DNAH7: variants seen among roughly 807,000 people sequenced by gnomAD.
DNAH7 encodes the protein dynein axonemal heavy chain 7.
Under a neutral mutation model 444.6 loss-of-function variants are expected in DNAH7, and 397 were observed. That is an observed-to-expected ratio of 0.89 (90% CI 0.82 to 0.97). The LOEUF (loss-of-function observed/expected upper bound fraction) is 0.97, where lower values mean the gene tolerates loss of function less well. Among genes scored for constraint, DNAH7 ranks in the 50% least tolerant of loss-of-function variants. The pLI, the probability that DNAH7 is intolerant of heterozygous loss-of-function variation, is 0.00. For missense variants in DNAH7, 4,902 were observed against 4,800.8 expected (o/e 1.02, Z -0.62); for synonymous variants, 1,636 against 1,624.4 (o/e 1.01, Z -0.17).
intron 45 of DNAH7, 122 bp from the exon 46 acceptor site, chr2:195,853,650 T>C: frequency 1.0e-6 from 1 of 968,140 alleles, no homozygotes; most frequent in Non-Finnish European, 1.5e-6. Context: ...TGGGATTTCC[T>C]ATATCACTAT....
intron 19 of DNAH7, among the ~76,000 whole-genome samples, chr2:195,954,436 A>T (rs959216348): frequency 6.6e-6 from 1 of 152,246 alleles, no homozygotes; most frequent in African/African-American, 2.4e-5. Context: ...ACTGATGGAC[A>T]CTTGGGTTGG....
Position 196,067,373 on chromosome 2 carries a change from T to A in DNAH7, c.15+1324A>T, listed in dbSNP as rs553823644. 1.6e-3 allele frequency among the ~76,000 whole-genome samples: 238 copies of A among 152,356 alleles called. 3 individuals are homozygous for A. Among genetic ancestry groups the A allele is most frequent in the African/African-American group, 5.2e-3 (216 of 41,580 alleles). ...GGTGACAGTAACAAATGTTATTTTT[T>A]AAATCTGATTACATTAATATCATGT... On this transcript the variant is annotated intron_variant, in intron 1 of 64. Transcript: ENST00000312428.
intron 3 of DNAH7, among the ~76,000 whole-genome samples, chr2:196,048,866 T>C (rs763993491): frequency 3.3e-5 from 5 of 152,156 alleles, no homozygotes; most frequent in Non-Finnish European, 5.9e-5. Context: ...ATACACAATT[T>C]TGGCAGGTGT....
At chr2:195,767,476 T>TA (rs376154165) in intron 61 of DNAH7, among the ~76,000 whole-genome samples, 156 of 152,156 alleles carry the variant, frequency 1.0e-3, no homozygotes, top group African/African-American at 3.2e-3. Context: ...TCTATACCTT[T>TA]ACTCCTCCTC....
chr2:195,744,336 T>G (rs944120903), intron 63 of DNAH7, among the ~76,000 whole-genome samples: 2 of 152,290 alleles, frequency 1.3e-5, no homozygotes, highest in South Asian at 2.1e-4. Context: ...TGCCCAGGCT[T>G]GCCTAGGTAA....
At position 195,864,362 on chromosome 2, in the gene DNAH7, T is replaced by C. The variant is rs759161797; in HGVS notation, c.7293A>G (p.Gln2431=). Residue 2431 remains glutamine (Q), a synonymous_variant, in exon 41 of 65, where the codon CAA becomes CAG. Transcript: ENST00000312428. ...ACTGACGCATCTTATCACATATCTC[T>C]TGCTTCTCATCTAATGCAAAGAGAT... The part of the protein sequence containing the change: ...IPNLFALDEK[Q]EICDKMRQLD... The C allele has an allele frequency of 1.1e-5, 18 of 1,613,968 alleles. No homozygotes were observed. The Admixed American group carries it at 1.5e-4, about 13-fold the overall frequency.
chr2:195,973,182 TGGTAGG>T (rs1458199021), intron 15 of DNAH7, among the ~76,000 whole-genome samples: 3 of 151,668 alleles, frequency 2.0e-5, no homozygotes, highest in Admixed American at 6.6e-5. Flanking sequence ...CAGACCAGAG[TGGTAGG>T]GCAGCAGATG....
chr2:195,771,868 G>A lies in DNAH7; in HGVS notation c.11225C>T (p.Ala3742Val). ...LTQSRSAGAG[A>V]KSSDEVVNEV... Reference sequence around the variant, plus strand: ...ATTCACTACTTCATCTGATGATTTTGCACCAGCACCTGCTGAACGAGACTA... The same window carrying A: ...ATTCACTACTTCATCTGATGATTTTACACCAGCACCTGCTGAACGAGACTA... Residue 3742 changes from alanine to valine, a missense_variant, in exon 61 of 65, where the codon GCA becomes GTA. Physicochemically the swap from Ala to Val is moderately conservative, Grantham distance 64 (BLOSUM62 0). Transcript: ENST00000312428. 6.2e-7 allele frequency: 1 copy of A among 1,614,138 alleles called. No individual in the cohort carries two copies. Among genetic ancestry groups the A allele is most frequent in the Non-Finnish European group, 8.5e-7 (1 of 1,180,016 alleles).
intron 5 of DNAH7, 41 bp from the exon 6 acceptor site, chr2:196,028,088 G>A: frequency 6.5e-7 from 1 of 1,531,304 alleles, no homozygotes; most frequent in Non-Finnish European, 9.0e-7. Flanking sequence ...GTAGATAAGG[G>A]GCAGTTAGAA....
intron 58 of DNAH7, among the ~76,000 whole-genome samples, chr2:195,781,976 T>TACACACACACACACACACACAC (rs59244207): frequency 7.7e-6 from 1 of 129,754 alleles, no homozygotes; most frequent in African/African-American, 3.0e-5. Flanking sequence ...GTGGGTCTTA[T>TACACACACACACACACACACAC]ACACACACAC....
intron 9 of DNAH7, among the ~76,000 whole-genome samples, chr2:196,017,342 G>A (rs1043200958): frequency 6.6e-6 from 1 of 152,074 alleles, no homozygotes; most frequent in African/African-American, 2.4e-5. Context: ...AATTACACAT[G>A]TCTATTTTCT....
chr2:195,782,901 C>G (rs187490095), intron 58 of DNAH7, among the ~76,000 whole-genome samples: 16 of 152,308 alleles, frequency 1.1e-4, no homozygotes, highest in South Asian at 2.1e-4. Flanking sequence ...CAAGGCCCCC[C>G]CTTTAAATCT....
chr2:195,997,101 C>A (rs1693740711), intron 12 of DNAH7, among the ~76,000 whole-genome samples: 1 of 152,136 alleles, frequency 6.6e-6, no homozygotes, highest in Admixed American at 6.5e-5. Context: ...TCATGTGAAG[C>A]TAATATTCAC....
chr2:195,926,384 G>GA (rs777714882), intron 22 of DNAH7, 42 bp downstream of exon 22: 9 of 1,438,422 alleles, frequency 6.3e-6, no homozygotes, highest in East Asian at 2.6e-5. Flanking sequence ...TAATACTATT[G>GA]AAAAAATGCT....
At position 195,895,365 on chromosome 2, in the gene DNAH7, C is replaced by A. The variant is rs192359288; in HGVS notation, c.4648-141G>T. ...GCTTTATAGAGGAATAGTTCACATA[C>A]GCAAACGTGTATTTTTTTCTTTTTT... On this transcript the variant is annotated intron_variant, in intron 29 of 64. Coordinates refer to ENST00000312428, the MANE Select transcript of DNAH7 (RefSeq NM_018897.3). 3.6e-4 allele frequency: 189 copies of A among 528,776 alleles called. 1 individual carries two copies. Among genetic ancestry groups the A allele is most frequent in the Admixed American group, 1.1e-3 (29 of 26,220 alleles). The allele number at this position is 528,776 out of a possible 1,614,324, so 32.8% of individuals were successfully genotyped here.
intron 55 of DNAH7, among the ~76,000 whole-genome samples, chr2:195,798,239 G>A (rs1696258690): frequency 6.6e-6 from 1 of 151,994 alleles, no homozygotes; most frequent in Admixed American, 6.6e-5. Context: ...GTTCCTATCT[G>A]TATAATAGAG....
intron 46 of DNAH7, among the ~76,000 whole-genome samples, chr2:195,848,481 T>C (rs757504234): frequency 2.0e-5 from 3 of 152,268 alleles, no homozygotes; most frequent in Non-Finnish European, 2.9e-5. Context: ...TTGATTAAAG[T>C]GTTGTCTGCC....
At position 195,752,592 on chromosome 2, in the gene DNAH7, C is replaced by G. The variant is rs1017613344; in HGVS notation, c.11764+1745G>C. On this transcript the variant is annotated intron_variant, in intron 63 of 64. Transcript: ENST00000312428. Reference sequence around the variant, plus strand: ...TCGGTCACTTGGAGTAGGATGCTATCAGAAAAGAGAAATAGTCCCAGGACT... The same window carrying G: ...TCGGTCACTTGGAGTAGGATGCTATGAGAAAAGAGAAATAGTCCCAGGACT... Among the ~76,000 whole-genome samples, 16 of 152,008 alleles carry G rather than the reference C, an allele frequency of 1.1e-4. 1 individual carries two copies. Among genetic ancestry groups the G allele is most frequent in the Admixed American group, 9.2e-4 (14 of 15,260 alleles).
chr2:195,794,649 G>A, intron 56 of DNAH7, 111 bp from the exon 57 acceptor site: 1 of 962,844 alleles, frequency 1.0e-6, no homozygotes, highest in Non-Finnish European at 1.6e-6. Flanking sequence ...TTACAAAGTA[G>A]AAATGTAACT....
Sources: gnomAD v4.1 joint callset for allele counts (sites outside exome capture counted in the v4.1 genomes callset) on GRCh38, gnomAD v4.1.1 for gene constraint, MANE v1.5 for transcripts, NCBI Gene and HGNC (gene_info 2026-07-23, HGNC 2026-07-21) for gene names.